Variants in MYEF2 observed in about 807,000 individuals in gnomAD.
The protein encoded by MYEF2 is myelin expression factor 2, also known as myelin gene expression factor 2.
A neutral mutation model predicts 75.2 loss-of-function variants in MYEF2; 37 were observed. The ratio of observed to expected loss-of-function variants is 0.49; its 90% CI spans 0.38 to 0.65. The LOEUF (loss-of-function observed/expected upper bound fraction) is 0.65. MYEF2 is among the 30% of genes least tolerant of loss of function. The pLI, the probability that MYEF2 is intolerant of heterozygous loss-of-function variation, is 0.00. For missense variants in MYEF2, 634 were observed against 771.4 expected, an observed-to-expected ratio of 0.82 and a Z score of 2.11; for synonymous variants, 195 against 241.6, an observed-to-expected ratio of 0.81 and a Z score of 1.79.
chr15:48,157,845 T>C (rs2039761801), intron 9 of MYEF2, 148 bp downstream of exon 9: 7 of 1,405,062 alleles, frequency 5.0e-6, no homozygotes, highest in Non-Finnish European at 6.5e-6. Context: ...GTCTTCCTAA[T>C]CAATAGCGCC....
rs1420843673 is a variant in MYEF2 at position 48,178,150 on chromosome 15, G to C, written c.88C>G (p.Arg30Gly). 3.2e-6 allele frequency: 5 copies of C among 1,569,946 alleles called. No homozygotes were observed. Among genetic ancestry groups the C allele is most frequent in the Non-Finnish European group, 4.3e-6 (5 of 1,158,920 alleles). ...GCCTCCGCGGGGTGCGGCTCTCGCC[G>C]CGGCTCGCCCGGCGGCTCTGCGGGC... ...LQPAEPPGEP[R>G]REPHPAEAEK... Residue 30 changes from arginine (R) to glycine (G), a missense_variant, in exon 1 of 17, where the codon CGG becomes GGG. Arg to Gly is a moderately radical substitution (Grantham distance 125, BLOSUM62 -2). Coordinates refer to ENST00000324324, the MANE Select transcript of MYEF2 (RefSeq NM_016132.5).
In MYEF2 at chr15:48,146,500, T is replaced by C. The variant is rs184498576; in HGVS notation, c.1639+2532A>G. Among the ~76,000 whole-genome samples, 217 of 152,104 alleles carry C rather than the reference T, an allele frequency of 1.4e-3. 1 individual carries two copies. The highest frequency in any genetic ancestry group is 6.8e-3 in the Middle Eastern group (2 of 294). On this transcript the variant is annotated intron_variant, in intron 16 of 16. Coordinates refer to ENST00000324324, the MANE Select transcript of MYEF2 (RefSeq NM_016132.5). ...AATTACAAAGGCTGAGAAAATGTTC[T>C]ATTGAGGGTAATATAACCCATAATA...
chr15:48,139,220 A>C lies in MYEF2; in HGVS notation c.*3688T>G. 6.6e-7 allele frequency: 1 copy of C among 1,513,440 alleles called. No individual in the cohort carries two copies. The highest frequency in any genetic ancestry group is 9.1e-7 in the Non-Finnish European group (1 of 1,097,612). The allele number at this position is 1,513,440 out of a possible 1,614,324, so 93.8% of individuals were successfully genotyped here. ...TAGCACAACTTGAAAATATTCATAT[A>C]AGAACAAATTGCATATGTTCACTCA... On this transcript the variant is annotated 3_prime_UTR_variant, in exon 17 of 17. Coordinates refer to ENST00000324324, the MANE Select transcript of MYEF2 (RefSeq NM_016132.5).
chr15:48,144,098 C>A (rs1045516461), intron 16 of MYEF2, among the ~76,000 whole-genome samples: 17 of 151,996 alleles, frequency 1.1e-4, no homozygotes, highest in African/African-American at 3.9e-4. Flanking sequence ...ATTATAGTTG[C>A]CAGATCACTA....
In MYEF2 at chr15:48,137,994, T is replaced by C. The variant is rs1414166000; in HGVS notation, c.*4914A>G. On this transcript the variant is annotated 3_prime_UTR_variant, in exon 17 of 17. Coordinates refer to ENST00000324324, the MANE Select transcript of MYEF2 (RefSeq NM_016132.5). The stretch of plus-strand genomic sequence containing the variant: ...GAGGGTTTTATTCTAATCTACTACT[T>C]AAAATTTTAAAACATGACTTTTCCC... 1 of 152,118 alleles carries C rather than the reference T, an allele frequency of 6.6e-6. No homozygotes were observed. Among genetic ancestry groups the C allele is most frequent in the Non-Finnish European group, 1.5e-5 (1 of 67,986 alleles). 9.4% of individuals were successfully genotyped at this position (152,118 alleles called of 1,614,324 possible).
rs773910313 is a variant in MYEF2, at chr15:48,149,392, G to A, written c.1379-21C>T. On this transcript the variant is annotated intron_variant, in intron 14 of 16. Coordinates refer to ENST00000324324, the MANE Select transcript of MYEF2 (RefSeq NM_016132.5). The surrounding 1 kb of genome is among the most constrained non-coding windows in gnomAD (Gnocchi z 4.0). ...ACCACCTGGATTTTCAAGAAAGGAC[G>A]GGGGGATTTGGGAATTTTGTGTTTT... 33 of 1,606,364 alleles carry A rather than the reference G, an allele frequency of 2.1e-5. No homozygotes were observed. The highest frequency in any genetic ancestry group is 1.7e-4 in the Middle Eastern group (1 of 6,022).
At chr15:48,162,522 C>T (rs1348680699) in intron 5 of MYEF2, among the ~76,000 whole-genome samples, 3 of 152,164 alleles carry the variant, frequency 2.0e-5, no homozygotes, top group Admixed American at 1.3e-4. Context: ...ATTTAATCCT[C>T]ATAAAAATCC....
Position 48,139,232 on chromosome 15 carries a change from C to CA in MYEF2, c.*3675dup. 2 of 1,406,794 alleles carry CA rather than the reference C, an allele frequency of 1.4e-6. No homozygotes were observed. The highest frequency in any genetic ancestry group is 2.0e-6 in the Non-Finnish European group (2 of 1,005,410). 87.1% of individuals were successfully genotyped at this position (1,406,794 alleles called of 1,614,324 possible). On this transcript the variant is annotated 3_prime_UTR_variant, in exon 17 of 17. Coordinates refer to ENST00000324324, the MANE Select transcript of MYEF2 (RefSeq NM_016132.5). ...AAAATATTCATATAAGAACAAATTG[C>CA]ATATGTTCACTCAAAGTAGTCTAGC... is the stretch of plus-strand genomic sequence containing the variant.
In MYEF2 at chr15:48,178,292, C is replaced by G; in HGVS notation, c.-55G>C. On this transcript the variant is annotated 5_prime_UTR_variant, in exon 1 of 17. Transcript: ENST00000324324. ...CTGAGCTGAGGGGCTCCGAGCGCGA[C>G]AATGGCGGCTGCCGGGGAAGCGGTA... 4.1e-5 allele frequency: 56 copies of G among 1,352,576 alleles called. No individual in the cohort carries two copies. The highest frequency in any genetic ancestry group is 5.3e-5 in the Non-Finnish European group (56 of 1,056,424). 83.8% of individuals were successfully genotyped at this position (1,352,576 alleles called of 1,614,324 possible).
chr15:48,167,728 A>G (rs574255635), intron 2 of MYEF2, among the ~76,000 whole-genome samples: 2 of 152,274 alleles, frequency 1.3e-5, no homozygotes, highest in South Asian at 4.1e-4. Flanking sequence ...ATTAAAAAAC[A>G]TCAACATTAG....
At chr15:48,171,303 C>A (rs1198930332) in intron 1 of MYEF2, among the ~76,000 whole-genome samples, 1 of 152,146 alleles carries the variant, frequency 6.6e-6, no homozygotes. Context: ...CCTTCCCCTG[C>A]CTATTTTCTT....
In MYEF2 at chr15:48,134,866, T is replaced by C; in HGVS notation, c.*8042A>G. The C allele has an allele frequency of 2.6e-6, 4 of 1,558,304 alleles. No individual in the cohort carries two copies. Among genetic ancestry groups the C allele is most frequent in the Non-Finnish European group, 3.5e-6 (4 of 1,136,708 alleles). ...AGAAGTTACAATGTAATGGAAATAA[T>C]AACTTACCATATTACAGGTCTCAAC... On this transcript the variant is annotated 3_prime_UTR_variant, in exon 17 of 17. Coordinates refer to ENST00000324324, the MANE Select transcript of MYEF2 (RefSeq NM_016132.5).
intron 1 of MYEF2, among the ~76,000 whole-genome samples, chr15:48,170,340 G>C (rs1214764650): frequency 6.6e-6 from 1 of 151,948 alleles, no homozygotes; most frequent in Non-Finnish European, 1.5e-5. Context: ...TGGCCAGGCT[G>C]GTCTCAAACT....
At chr15:48,170,030 T>C (rs988368779) in intron 1 of MYEF2, 10 of 152,144 alleles carry the variant, frequency 6.6e-5, no homozygotes, top group African/African-American at 2.2e-4. Context: ...AGATAAAAAT[T>C]TGGATTTCTA....
intron 9 of MYEF2, among the ~76,000 whole-genome samples, chr15:48,154,973 G>A (rs1010094046): frequency 3.3e-5 from 5 of 151,950 alleles, no homozygotes; most frequent in Admixed American, 2.6e-4. Context: ...TTAACTTCAG[G>A]CTTCACAGAA....
Position 48,149,310 on chromosome 15 carries a change from C to T in MYEF2, c.1440G>A (p.Met480Ile), listed in dbSNP as rs1463258973. ...TGGMGMGLDR[M>I]SSSFDRMGPG... ...GTCCCATTCTATCAAAGCTGGAACT[C>T]ATCCGGTCCAGTCCCATCCCCATTC... The change falls in exon 15 of 17, where the codon ATG becomes ATA. Residue 480 changes from methionine (M) to isoleucine (I), a missense_variant. Transcript: ENST00000324324. The surrounding 1 kb of genome is among the most constrained non-coding windows in gnomAD (Gnocchi z 4.0). 6.2e-7 allele frequency: 1 copy of T among 1,613,164 alleles called. No individual in the cohort carries two copies. The highest frequency in any genetic ancestry group is 8.5e-7 in the Non-Finnish European group (1 of 1,179,358).
chr15:48,149,591 T>G lies in MYEF2; in HGVS notation c.1379-220A>C, dbSNP rs1345869335. 2.9e-6 allele frequency: 1 copy of G among 340,454 alleles called. No individual in the cohort carries two copies. Among genetic ancestry groups the G allele is most frequent in the Non-Finnish European group, 5.2e-6 (1 of 192,624 alleles). 21.1% of individuals were successfully genotyped at this position (340,454 alleles called of 1,614,324 possible). On this transcript the variant is annotated intron_variant, in intron 14 of 16. Transcript: ENST00000324324. This position sits in a 1 kb window ranked among gnomAD's most constrained non-coding sequence, Gnocchi z 4.0. Reference sequence around the variant, plus strand: ...AGAACAGAATTTGCTTACATATACATTTAGTTAGCTGAGAAATTCTAGCCA... The same window carrying G: ...AGAACAGAATTTGCTTACATATACAGTTAGTTAGCTGAGAAATTCTAGCCA...
At chr15:48,174,462 C>G (rs1489165830) in intron 1 of MYEF2, among the ~76,000 whole-genome samples, 1 of 150,630 alleles carries the variant, frequency 6.6e-6, no homozygotes, top group Admixed American at 6.6e-5. Flanking sequence ...GGGACTACAT[C>G]AAAGTAAAAA....
chr15:48,161,588 A>G (rs1164221689), intron 5 of MYEF2, among the ~76,000 whole-genome samples: 1 of 151,664 alleles, frequency 6.6e-6, no homozygotes, highest in Non-Finnish European at 1.5e-5. Flanking sequence ...AACTTGGATT[A>G]TATAACTCCA....
Sources: allele counts gnomAD v4.1 joint callset (sites outside exome capture counted in the v4.1 genomes callset), GRCh38; gene constraint gnomAD v4.1.1; non-coding constraint Gnocchi (gnomAD v3.1); transcripts MANE v1.5; gene names NCBI Gene and HGNC (gene_info 2026-07-23, HGNC 2026-07-21).